Variants in TULP2 observed in about 807,000 individuals in gnomAD.
The protein encoded by TULP2 is TUB like protein 2, also known as tubby-related protein 2.
TULP2 carries 64 observed loss-of-function variants against 60.3 expected under a neutral mutation model. That is an observed-to-expected ratio of 1.06 (90% CI 0.87 to 1.31). The LOEUF (loss-of-function observed/expected upper bound fraction) is 1.31, where lower values mean the gene tolerates loss of function less well. Ranked by LOEUF, TULP2 falls within the 50% of genes most tolerant of loss-of-function variation. The probability of loss-of-function intolerance (pLI) is 0.00; values close to 1 mark genes in which losing one functional copy is unlikely to be tolerated. For synonymous variants in TULP2, 267 were observed against 265.4 expected, an observed-to-expected ratio of 1.01 and a Z score of -0.06; for missense variants, 652 against 667.0, an observed-to-expected ratio of 0.98 and a Z score of 0.25.
rs1349835716 is a variant in TULP2, at chr19:48,881,214, T to G, written c.1448-88A>C. 21 of 492,448 alleles carry G rather than the reference T, an allele frequency of 4.3e-5. No individual in the cohort carries two copies. The East Asian group carries it at 1.1e-3, about 25-fold the overall frequency. The allele number at this position is 492,448 out of a possible 1,614,324, so 30.5% of individuals were successfully genotyped here. On this transcript the variant is annotated intron_variant, in intron 12 of 12. Coordinates refer to ENST00000221399, the MANE Select transcript of TULP2 (RefSeq NM_003323.3). The stretch of plus-strand genomic sequence containing the variant: ...GAGACTTTTTTTTTTTTTTTTTCTT[T>G]TTTTTTTTTTTTTGAGACAGAGTCT...
In TULP2 at chr19:48,897,981, G is replaced by T. The variant is rs77978258; in HGVS notation, c.-1-112C>A. The T allele has an allele frequency of 1.3e-3, 447 of 339,630 alleles. 4 individuals are homozygous for T. The highest frequency in any genetic ancestry group is 2.9e-3 in the South Asian group (49 of 17,126). The allele number at this position is 339,630 out of a possible 1,614,324, so 21.0% of individuals were successfully genotyped here. ...TTTATTTATTTATTTATTTATTTAT[G>T]TATTTAGAGACAGCTGAGCCTCGCT... On this transcript the variant is annotated intron_variant, in intron 1 of 12. Coordinates refer to ENST00000221399, the MANE Select transcript of TULP2 (RefSeq NM_003323.3). The surrounding 1 kb of genome is among the most constrained non-coding windows in gnomAD (Gnocchi z 4.0).
chr19:48,895,236 G>A, intron 5 of TULP2, 74 bp from the exon 6 acceptor site: 2 of 1,573,222 alleles, frequency 1.3e-6, no homozygotes, highest in South Asian at 2.4e-5. Flanking sequence ...TGAACTCCTT[G>A]GTGTGAGGAA....
At chr19:48,883,723 G>T in intron 11 of TULP2, 31 bp downstream of exon 11, 1 of 1,611,248 alleles carries the variant, frequency 6.2e-7, no homozygotes, top group South Asian at 1.1e-5. Flanking sequence ...CTTCTCCATT[G>T]ACCCAGAGAT....
At chr19:48,893,910 C>T (rs1017767374) in intron 6 of TULP2, among the ~76,000 whole-genome samples, 3 of 152,086 alleles carry the variant, frequency 2.0e-5, no homozygotes, top group East Asian at 1.9e-4. Context: ...ATTGTGGTGA[C>T]GGTTGCAGAA....
chr19:48,881,898 T>C (rs987914577), intron 12 of TULP2, 134 bp downstream of exon 12: 35 of 1,154,166 alleles, frequency 3.0e-5, no homozygotes, highest in South Asian at 6.9e-5. Context: ...CAATTCCCAA[T>C]AGGCTTTGCA....
Position 48,888,157 on chromosome 19 carries a change from G to C in TULP2, c.741C>G (p.Gly247=). 6.2e-7 allele frequency: 1 copy of C among 1,614,184 alleles called. No individual in the cohort carries two copies. The highest frequency in any genetic ancestry group is 8.5e-7 in the Non-Finnish European group (1 of 1,180,022). ...CGTGCCTCATATGGTCGCTGTCCGT[G>C]CCACCCTCGCCTTTCAGGGCCTTGG... is the stretch of plus-strand genomic sequence containing the variant. The part of the protein sequence containing the change: ...ELSKALKGEG[G]TDSDHMRHEA... Residue 247 remains glycine, a synonymous_variant, in exon 8 of 13, where the codon GGC becomes GGG. Transcript: ENST00000221399.
intron 6 of TULP2, among the ~76,000 whole-genome samples, chr19:48,893,026 T>G (rs968535036): frequency 2.0e-4 from 30 of 151,758 alleles, no homozygotes; most frequent in African/African-American, 7.0e-4. Context: ...GAGGATCACT[T>G]GAGCCCAGGA....
chr19:48,887,994 A>G lies in TULP2; in HGVS notation c.904T>C (p.Phe302Leu), dbSNP rs778064290. Residue 302 changes from phenylalanine to leucine, a missense_variant, in exon 8 of 13, where the codon TTC (phenylalanine) becomes CTC (leucine). Transcript: ENST00000221399. ...TCCAGGTAGAGGTAGTAGAGGGGGA[A>G]CAAGCCCTTGTCCACGCCGTGCTTG... ...RDKHGVDKGL[F>L]PLYYLYLETS... is the part of the protein sequence containing the mutation. 7.4e-6 allele frequency: 12 copies of G among 1,613,998 alleles called. No homozygotes were observed. Among genetic ancestry groups the G allele is most frequent in the Non-Finnish European group, 9.3e-6 (11 of 1,179,982 alleles).
chr19:48,889,928 G>A (rs147373939), intron 6 of TULP2, among the ~76,000 whole-genome samples: 2 of 147,360 alleles, frequency 1.4e-5, no homozygotes, highest in East Asian at 2.0e-4. Flanking sequence ...CACAAACACC[G>A]CGGAAGGGCG....
At chr19:48,888,842 G>A (rs749312940) in intron 7 of TULP2, among the ~76,000 whole-genome samples, 3 of 152,068 alleles carry the variant, frequency 2.0e-5, no homozygotes, top group Non-Finnish European at 4.4e-5. Context: ...AGCTGGTCTG[G>A]AACTCCTGAC....
At chr19:48,888,947 T>C (rs2037208054) in intron 7 of TULP2, among the ~76,000 whole-genome samples, 1 of 150,894 alleles carries the variant, frequency 6.6e-6, no homozygotes, top group African/African-American at 2.4e-5. Context: ...TCGATCAGTG[T>C]TCTGCCCTTT....
chr19:48,881,106 A>G lies in TULP2; in HGVS notation c.1468T>C (p.Phe490Leu), dbSNP rs1231261963. The G allele has an allele frequency of 6.2e-7, 1 of 1,613,250 alleles. No homozygotes were observed. The highest frequency in any genetic ancestry group is 1.7e-5 in the Admixed American group (1 of 59,938). ...AATGTGTCTGGGCCCACTCGGCCGA[A>G]CTGGAGCACCAGATGTTCTTCTGAG... ...PKHQEHLVLQ[F>L]GRVGPDTFTM... The change falls in exon 13 of 13, where the codon TTC (phenylalanine) becomes CTC (leucine). Residue 490 changes from phenylalanine (F) to leucine (L), a missense_variant. Physicochemically the swap from Phe to Leu is conservative, Grantham distance 22. Transcript: ENST00000221399.
At chr19:48,894,825 C>T (rs2037263670) in intron 6 of TULP2, among the ~76,000 whole-genome samples, 173 bp downstream of exon 6, 1 of 152,084 alleles carries the variant, frequency 6.6e-6, no homozygotes, top group South Asian at 2.1e-4. Flanking sequence ...AACACATCAC[C>T]TGCAGATACC....
In TULP2 at chr19:48,888,118, T is replaced by C; in HGVS notation, c.780A>G (p.Ala260=). ...CCAGCCCAGGGCAGGGGGAGCGGAT[T>C]GCCAAGGAGGCTTCGTGCCTCATAT... ...SDHMRHEASL[A]IRSPCPGLEE... The change falls in exon 8 of 13, where the codon GCA becomes GCG. Residue 260 remains alanine, a synonymous_variant. Transcript: ENST00000221399. 1 of 1,614,188 alleles carries C rather than the reference T, an allele frequency of 6.2e-7. No individual in the cohort carries two copies. Among genetic ancestry groups the C allele is most frequent in the Non-Finnish European group, 8.5e-7 (1 of 1,180,008 alleles).
At position 48,883,944 on chromosome 19, in the gene TULP2, C is replaced by A. The variant is rs1315014040; in HGVS notation, c.1164G>T (p.Gly388=). The change falls in exon 10 of 13, where the codon GGG becomes GGT. Residue 388 remains glycine (G), a synonymous_variant. Transcript: ENST00000221399. ...RNTARIRQEL[G]AVCYEPNVLG... ...CCAGGACACTCACATAACACACAGC[C>A]CCCAGCTCCTGTCTGATCCGGGCAG... The A allele has an allele frequency of 1.9e-6, 3 of 1,614,060 alleles. No individual in the cohort carries two copies. Among genetic ancestry groups the A allele is most frequent in the Non-Finnish European group, 1.7e-6 (2 of 1,180,016 alleles).
chr19:48,888,296 AC>A, intron 7 of TULP2, 35 bp from the exon 8 acceptor site: 1 of 1,551,274 alleles, frequency 6.4e-7, no homozygotes, highest in Non-Finnish European at 8.7e-7. Context: ...TCGAGGGACA[AC>A]CACCGGCCCA....
rs753713170 is a variant in TULP2 at position 48,889,536 on chromosome 19, C to T, written c.610G>A (p.Val204Ile). ...GPNPGMDGDC[V>I]YENLAFQKEE... is the part of the protein sequence containing the mutation. ...TTTTGGAAGGCCAAGTTTTCATATA[C>T]ACAGTCACCATCCATTCCAGGGTTT... The change falls in exon 7 of 13, where the codon GTA (valine) becomes ATA (isoleucine). Residue 204 changes from valine (V) to isoleucine (I), a missense_variant. Transcript: ENST00000221399. The T allele has an allele frequency of 6.3e-7, 1 of 1,580,254 alleles. No homozygotes were observed. The highest frequency in any genetic ancestry group is 1.1e-5 in the South Asian group (1 of 88,550).
At position 48,881,099 on chromosome 19, in the gene TULP2, C is replaced by T. The variant is rs201380041; in HGVS notation, c.1475G>A (p.Arg492Gln). 330 of 1,612,530 alleles carry T rather than the reference C, an allele frequency of 2.0e-4. No homozygotes were observed. The highest frequency in any genetic ancestry group is 2.6e-4 in the Non-Finnish European group (305 of 1,179,258). ...CATGGTGAATGTGTCTGGGCCCACTCGGCCGAACTGGAGCACCAGATGTTC... is the reference window on the plus strand; with the variant it reads ...CATGGTGAATGTGTCTGGGCCCACTTGGCCGAACTGGAGCACCAGATGTTC... ...HQEHLVLQFGRVGPDTFTMDF... is the reference protein window; with the variant it reads ...HQEHLVLQFGQVGPDTFTMDF... Residue 492 changes from arginine to glutamine, a missense_variant, in exon 13 of 13, where the codon CGA (arginine) becomes CAA (glutamine). Coordinates refer to ENST00000221399, the MANE Select transcript of TULP2 (RefSeq NM_003323.3).
At chr19:48,893,267 G>A (rs1021060296) in intron 6 of TULP2, among the ~76,000 whole-genome samples, 2 of 151,958 alleles carry the variant, frequency 1.3e-5, no homozygotes, top group Non-Finnish European at 2.9e-5. Context: ...CTACTCGGGA[G>A]GCTGAGGCAG....
Sources: allele counts gnomAD v4.1 joint callset (sites outside exome capture counted in the v4.1 genomes callset), GRCh38; gene constraint gnomAD v4.1.1; non-coding constraint Gnocchi (gnomAD v3.1); transcripts MANE v1.5; gene names NCBI Gene and HGNC (gene_info 2026-07-23, HGNC 2026-07-21).